The following NCKAP5 variants were observed in gnomAD, a reference collection of about 807,000 sequenced individuals.
The protein encoded by NCKAP5 is nck-associated protein 5.
NCKAP5 carries 92 observed loss-of-function variants against 167.0 expected under a neutral mutation model. The observed-to-expected ratio is 0.55, with a 90% CI of 0.47 to 0.66. The LOEUF is 0.66. Among genes scored for constraint, NCKAP5 ranks in the 30% least tolerant of loss-of-function variants. NCKAP5 has a pLI of 0.00. For missense variants in NCKAP5, 2,378 were observed against 2,315.0 expected (o/e 1.03, Z -0.56); for synonymous variants, 891 against 877.4 (o/e 1.02, Z -0.27).
chr2:133,100,389 A>C (rs947501524), intron 6 of NCKAP5, among the ~76,000 whole-genome samples: 3 of 152,206 alleles, frequency 2.0e-5, no homozygotes, highest in Non-Finnish European at 4.4e-5. Flanking sequence ...TGGTCCAAGC[A>C]ATAATCATAT....
At chr2:132,833,517 C>A (rs1024936870) in intron 11 of NCKAP5, among the ~76,000 whole-genome samples, 1 of 152,124 alleles carries the variant, frequency 6.6e-6, no homozygotes, top group Non-Finnish European at 1.5e-5. Context: ...AGACTTTAAT[C>A]CATCCTGAGT....
At chr2:133,349,207 A>C (rs909002800) in intron 3 of NCKAP5, among the ~76,000 whole-genome samples, 1 of 152,194 alleles carries the variant, frequency 6.6e-6, no homozygotes, top group Non-Finnish European at 1.5e-5. Context: ...TAGGGGAATC[A>C]CTATCTTGTT....
intron 3 of NCKAP5, among the ~76,000 whole-genome samples, chr2:133,507,865 G>T (rs567915874): frequency 7.5e-4 from 114 of 152,256 alleles, no homozygotes; most frequent in African/African-American, 2.7e-3. Context: ...TCATGGCCAT[G>T]AACCCTATGG....
intron 5 of NCKAP5, among the ~76,000 whole-genome samples, chr2:133,194,937 G>A (rs958247522): frequency 6.6e-6 from 1 of 151,612 alleles, no homozygotes; most frequent in African/African-American, 2.4e-5. Context: ...GTTGAGCAAA[G>A]TTAGCTGTCT....
intron 12 of NCKAP5, among the ~76,000 whole-genome samples, chr2:132,793,108 C>T (rs1409361522): frequency 6.6e-6 from 1 of 152,192 alleles, no homozygotes; most frequent in East Asian, 1.9e-4. Flanking sequence ...CTCCCAGGTT[C>T]AAGTGATTCT....
intron 8 of NCKAP5, among the ~76,000 whole-genome samples, chr2:132,953,009 C>T (rs1194870609): frequency 6.6e-6 from 1 of 152,204 alleles, no homozygotes; most frequent in Non-Finnish European, 1.5e-5. Flanking sequence ...GAGGCAACTG[C>T]ATGAGTTTTA....
chr2:133,315,222 A>G (rs1380258764), intron 3 of NCKAP5, among the ~76,000 whole-genome samples: 2 of 152,298 alleles, frequency 1.3e-5, no homozygotes, highest in South Asian at 4.1e-4. Flanking sequence ...CTGGAAGGAG[A>G]TCAACATCAC....
At chr2:133,260,698 CACT>C (rs1474144476) in intron 4 of NCKAP5, among the ~76,000 whole-genome samples, 2 of 152,106 alleles carry the variant, frequency 1.3e-5, no homozygotes, top group Non-Finnish European at 2.9e-5. Context: ...AAAAGAACTG[CACT>C]ACGATATTAG....
chr2:132,964,678 C>G (rs1051650554), intron 7 of NCKAP5, among the ~76,000 whole-genome samples: 2 of 152,122 alleles, frequency 1.3e-5, no homozygotes, highest in African/African-American at 4.8e-5. Context: ...TTCCATTACA[C>G]TATTTAATTC....
intron 3 of NCKAP5, among the ~76,000 whole-genome samples, chr2:133,356,595 C>T (rs558960126): frequency 4.9e-4 from 74 of 152,198 alleles, no homozygotes; most frequent in Middle Eastern, 3.4e-3. Flanking sequence ...GCTGCAGGAC[C>T]GTAGGAAAGG....
chr2:132,925,784 G>T (rs919709658), intron 8 of NCKAP5, among the ~76,000 whole-genome samples: 1 of 152,114 alleles, frequency 6.6e-6, no homozygotes, highest in Non-Finnish European at 1.5e-5. Flanking sequence ...ATCTTCAATA[G>T]TTGAGGAAGT....
intron 15 of NCKAP5, among the ~76,000 whole-genome samples, chr2:132,779,411 T>C (rs1682830070): frequency 6.6e-6 from 1 of 152,162 alleles, no homozygotes; most frequent in African/African-American, 2.4e-5. Context: ...AAGTTTTCCA[T>C]CAGCTGGATT....
chr2:133,085,334 T>C (rs976790027), intron 6 of NCKAP5, among the ~76,000 whole-genome samples: 1 of 152,164 alleles, frequency 6.6e-6, no homozygotes, highest in African/African-American at 2.4e-5. Context: ...AAAGCAGTAA[T>C]GGTCTAGGTT....
chr2:133,469,373 G>T (rs1479394924), intron 3 of NCKAP5, among the ~76,000 whole-genome samples: 1 of 152,134 alleles, frequency 6.6e-6, no homozygotes, highest in South Asian at 2.1e-4. Context: ...TTTCTGCCGA[G>T]AGATCCGCTG....
chr2:132,732,821 T>C (rs1214960331), intron 16 of NCKAP5, among the ~76,000 whole-genome samples: 2 of 152,242 alleles, frequency 1.3e-5, no homozygotes, highest in African/African-American at 4.8e-5. Context: ...CTCTGGCCTC[T>C]TAATTTGACT....
chr2:132,962,593 TTTTG>T (rs201304749), intron 8 of NCKAP5, among the ~76,000 whole-genome samples: 9,442 of 151,992 alleles, frequency 0.062, 347 homozygotes, highest in South Asian at 0.15. Flanking sequence ...CTTTTTGTTT[TTTTG>T]TTTGTTTGTT....
chr2:133,623,542 T>C, the NCKAP5 span, among the ~76,000 whole-genome samples: 3 of 151,128 alleles, frequency 2.0e-5, no homozygotes, highest in African/African-American at 7.3e-5. Context: ...AACAAGCATA[T>C]GGAAAAATGT....
At chr2:133,513,746 G>A (rs1683706524) in intron 3 of NCKAP5, among the ~76,000 whole-genome samples, 1 of 152,084 alleles carries the variant, frequency 6.6e-6, no homozygotes, top group South Asian at 2.1e-4. Flanking sequence ...TGTGGCAAAC[G>A]TTTTTTCTTC....
chr2:133,408,721 G>A (rs1257041270), intron 3 of NCKAP5, among the ~76,000 whole-genome samples: 3 of 152,214 alleles, frequency 2.0e-5, no homozygotes, highest in Non-Finnish European at 4.4e-5. Context: ...GACTGTCACT[G>A]AACACAGAAA....
Sources: gnomAD v4.1 joint callset for allele counts (sites outside exome capture counted in the v4.1 genomes callset) on GRCh38, gnomAD v4.1.1 for gene constraint, MANE v1.5 for transcripts, NCBI Gene and HGNC (gene_info 2026-07-23, HGNC 2026-07-21) for gene names.